The following WSCD1 variants were observed in gnomAD, a reference collection of about 807,000 sequenced individuals.
The protein encoded by WSCD1 is WSC domain sialate O sulfotransferase 1, also known as sialate:O-sulfotransferase 1.
Under a neutral mutation model 60.4 loss-of-function variants are expected in WSCD1, and 41 were observed. That is an observed-to-expected ratio of 0.68 (90% CI 0.53 to 0.88). WSCD1 has a LOEUF of 0.88. WSCD1 is among the 40% of genes least tolerant of loss of function. The pLI is 0.00. For missense variants in WSCD1, 784 were observed against 796.2 expected, an observed-to-expected ratio of 0.98 and a Z score of 0.18; for synonymous variants, 361 against 332.5, an observed-to-expected ratio of 1.09 and a Z score of -0.93.
upstream of WSCD1, among the ~76,000 whole-genome samples, chr17:6,070,153 G>GGT (rs375644165): frequency 0.08 from 11,442 of 142,146 alleles, 924 homozygotes; most frequent in African/African-American, 0.21. Flanking sequence ...CTGGGTGACT[G>GGT]GTGTGTGTGT....
At chr17:6,106,678 C>G (rs1021730207) in intron 5 of WSCD1, among the ~76,000 whole-genome samples, 2 of 152,138 alleles carry the variant, frequency 1.3e-5, no homozygotes, top group Non-Finnish European at 2.9e-5. Flanking sequence ...AATGGTACAC[C>G]TGGGATCAGA....
chr17:6,079,651 C>A (rs1909097855), intron 1 of WSCD1, among the ~76,000 whole-genome samples: 1 of 152,190 alleles, frequency 6.6e-6, no homozygotes, highest in South Asian at 2.1e-4. Flanking sequence ...TGGGCCCCAT[C>A]CTGTGTGAAA....
Position 6,109,766 on chromosome 17 carries a change from G to A in WSCD1, c.1009G>A (p.Asp337Asn). The change falls in exon 6 of 9, where the codon GAC (aspartate) becomes AAC (asparagine). Residue 337 changes from aspartate (D) to asparagine (N), a missense_variant and splice_region_variant. Physicochemically the swap from Asp to Asn is conservative, Grantham distance 23. Transcript: ENST00000317744. ...YCEVYQTPVQDTRCTDRRFLP... is the reference protein window; with the variant it reads ...YCEVYQTPVQNTRCTDRRFLP... ...TGAGGTCTACCAGACACCTGTGCAA[G>A]GTGGGTTCTGCATCCCCGACTGGTA... 1 of 1,610,420 alleles carries A rather than the reference G, an allele frequency of 6.2e-7. No individual in the cohort carries two copies. The highest frequency in any genetic ancestry group is 8.5e-7 in the Non-Finnish European group (1 of 1,177,022).
intron 5 of WSCD1, among the ~76,000 whole-genome samples, chr17:6,097,701 A>G (rs1360303793): frequency 2.6e-5 from 4 of 152,228 alleles, no homozygotes; most frequent in African/African-American, 7.2e-5. Context: ...ATCTGTAAGA[A>G]AAATATTCCT....
At chr17:6,078,776 T>A (rs972770215) in intron 1 of WSCD1, among the ~76,000 whole-genome samples, 1 of 152,052 alleles carries the variant, frequency 6.6e-6, no homozygotes, top group African/African-American at 2.4e-5. Context: ...TGATCAGATG[T>A]GCATGTTAGG....
chr17:6,099,236 GC>G (rs1910640996), intron 5 of WSCD1, among the ~76,000 whole-genome samples: 1 of 152,084 alleles, frequency 6.6e-6, no homozygotes, highest in Admixed American at 6.5e-5. Context: ...GGCTTAAAGG[GC>G]CAGGCACGGT....
At chr17:6,107,784 T>TG (rs1182058686) in intron 5 of WSCD1, among the ~76,000 whole-genome samples, 1 of 152,160 alleles carries the variant, frequency 6.6e-6, no homozygotes, top group Admixed American at 6.5e-5. Context: ...TGGCAATTCT[T>TG]GAAGTTGCCT....
At chr17:6,089,536 C>T (rs1022138279) in intron 3 of WSCD1, among the ~76,000 whole-genome samples, 3 of 152,160 alleles carry the variant, frequency 2.0e-5, no homozygotes, top group Non-Finnish European at 4.4e-5. Flanking sequence ...CAGTAGGGCC[C>T]ATGTGTAACA....
rs898243686 is a variant in WSCD1, at chr17:6,122,194, G to C, written c.*1533G>C. 2 of 152,334 alleles carry C rather than the reference G, an allele frequency of 1.3e-5. No homozygotes were observed. The highest frequency in any genetic ancestry group is 4.8e-5 in the African/African-American group (2 of 41,456). The allele number at this position is 152,334 out of a possible 1,614,324, so 9.4% of individuals were successfully genotyped here. A position where few individuals can be genotyped will look rare whatever the true frequency, so the allele number is the denominator to read the frequency against. On this transcript the variant is annotated 3_prime_UTR_variant, in exon 9 of 9. Coordinates refer to ENST00000317744, the MANE Select transcript of WSCD1 (RefSeq NM_015253.2). ...CCTCTGCTTCCTAGCCTGATGATGG[G>C]GAACCCAGAGCCACCCGCTATGAGC...
At chr17:6,083,513 A>G (rs893166508) in intron 2 of WSCD1, among the ~76,000 whole-genome samples, 9 of 152,228 alleles carry the variant, frequency 5.9e-5, no homozygotes, top group African/African-American at 2.2e-4. Context: ...CCAAAGCGCT[A>G]GGATTACAGG....
intron 1 of WSCD1, among the ~76,000 whole-genome samples, chr17:6,072,523 G>A (rs9913958): frequency 0.26 from 39,698 of 152,166 alleles, 5,445 homozygotes; most frequent in East Asian, 0.44. Flanking sequence ...CAGCCTTGGT[G>A]AGACCAGCTC....
intron 2 of WSCD1, chr17:6,084,704 A>G (rs1410216614): frequency 2.6e-5 from 4 of 152,186 alleles, no homozygotes; most frequent in African/African-American, 9.7e-5. Context: ...CGTCGTTACT[A>G]GCCTCACGGT....
At chr17:6,112,153 G>A (rs1469846949) in intron 7 of WSCD1, among the ~76,000 whole-genome samples, 1 of 152,058 alleles carries the variant, frequency 6.6e-6, no homozygotes, top group Non-Finnish European at 1.5e-5. Flanking sequence ...ACCTAATGAC[G>A]TACCTCAAGG....
At position 6,124,314 on chromosome 17, in the gene WSCD1, G is replaced by C. The variant is rs1013654579; in HGVS notation, c.*3653G>C. ...TGAAGGGAGAGTTGAGAGGCAGAAA[G>C]AGATCAAGTCCTTGGTGAAATTGTT... On this transcript the variant is annotated 3_prime_UTR_variant, in exon 9 of 9. Transcript: ENST00000317744. 7.2e-5 allele frequency: 11 copies of C among 152,248 alleles called. No homozygotes were observed. The highest frequency in any genetic ancestry group is 1.2e-4 in the Non-Finnish European group (8 of 68,042). The allele number at this position is 152,248 out of a possible 1,614,324, so 9.4% of individuals were successfully genotyped here.
At chr17:6,090,774 G>A (rs1909983985) in intron 4 of WSCD1, among the ~76,000 whole-genome samples, 1 of 152,208 alleles carries the variant, frequency 6.6e-6, no homozygotes, top group Admixed American at 6.5e-5. Context: ...GCCTGGGTAT[G>A]CCTCAGACAT....
chr17:6,095,673 C>T (rs73974667), intron 5 of WSCD1, among the ~76,000 whole-genome samples: 2,050 of 152,264 alleles, frequency 0.013, 37 homozygotes, highest in African/African-American at 0.046. Flanking sequence ...AGGAGTAGAG[C>T]GTGACCCCAT....
intron 8 of WSCD1, among the ~76,000 whole-genome samples, chr17:6,120,051 T>A (rs2150573665): frequency 6.6e-6 from 1 of 152,268 alleles, no homozygotes; most frequent in Admixed American, 6.5e-5. Flanking sequence ...CTGACTTAGC[T>A]TTATAGGAGG....
In WSCD1 at chr17:6,120,388, G is replaced by A; in HGVS notation, c.1455G>A (p.Leu485=). ...ACTGGCTCAAGTACGGGAAGCGGCT[G>A]CTGGTGGTGCACTACGAGGAGCTGC... The part of the protein sequence containing the change: ...VLDWLKYGKR[L]LVVHYEELRR... The change falls in exon 9 of 9, where the codon CTG becomes CTA. Residue 485 remains leucine, a synonymous_variant. Transcript: ENST00000317744. 1 of 1,614,080 alleles carries A rather than the reference G, an allele frequency of 6.2e-7. No individual in the cohort carries two copies. The highest frequency in any genetic ancestry group is 1.1e-5 in the South Asian group (1 of 91,086).
chr17:6,070,367 G>A (rs1908449683), upstream of WSCD1: 1 of 147,434 alleles, frequency 6.8e-6, no homozygotes. Context: ...CGGGCCGCGC[G>A]AGTGAGCATG....
Sources: allele counts gnomAD v4.1 joint callset (sites outside exome capture counted in the v4.1 genomes callset), GRCh38; gene constraint gnomAD v4.1.1; transcripts MANE v1.5; gene names NCBI Gene and HGNC (gene_info 2026-07-23, HGNC 2026-07-21).